The following MCF2L2 variants were observed in gnomAD, a reference collection of about 807,000 sequenced individuals.
The protein encoded by MCF2L2 is MCF.2 cell line derived transforming sequence-like 2, also known as probable guanine nucleotide exchange factor MCF2L2.
A neutral mutation model predicts 150.2 loss-of-function variants in MCF2L2; 102 were observed. That is an observed-to-expected ratio of 0.68 (90% CI 0.58 to 0.80). The LOEUF (loss-of-function observed/expected upper bound fraction) is 0.80, where lower values mean the gene tolerates loss of function less well. Among genes scored for constraint, MCF2L2 ranks in the 30% least tolerant of loss-of-function variants. The pLI is 0.00. For missense variants in MCF2L2, 1,256 were observed against 1,372.8 expected (o/e 0.91, Z 1.34); for synonymous variants, 465 against 491.3 (o/e 0.95, Z 0.71).
chr3:183,351,004 T>C (rs1401985663), intron 3 of MCF2L2, among the ~76,000 whole-genome samples: 2 of 151,574 alleles, frequency 1.3e-5, no homozygotes, highest in Admixed American at 6.6e-5. Context: ...TGTAACACTA[T>C]ACTCCTTCAT....
At chr3:183,339,373 T>C (rs919852525) in intron 4 of MCF2L2, among the ~76,000 whole-genome samples, 2 of 152,208 alleles carry the variant, frequency 1.3e-5, no homozygotes, top group Non-Finnish European at 2.9e-5. Context: ...CCATAGGCTT[T>C]TATTCCTGTT....
At chr3:183,331,165 A>G (rs1730258333) in intron 5 of MCF2L2, among the ~76,000 whole-genome samples, 1 of 152,156 alleles carries the variant, frequency 6.6e-6, no homozygotes, top group African/African-American at 2.4e-5. Flanking sequence ...TAACAAAGAG[A>G]CAATCCTTAT....
intron 9 of MCF2L2, 38 bp from the exon 10 acceptor site, chr3:183,309,873 C>CA: frequency 6.2e-7 from 1 of 1,610,012 alleles, no homozygotes; most frequent in South Asian, 1.1e-5. Context: ...AGTAAACCAA[C>CA]ACTCACTCAC....
At chr3:183,248,689 T>A (rs551074496) in intron 15 of MCF2L2, among the ~76,000 whole-genome samples, 3 of 151,864 alleles carry the variant, frequency 2.0e-5, no homozygotes, top group South Asian at 2.1e-4. Flanking sequence ...ATAAAAAAAA[T>A]TATTTGGGCG....
intron 25 of MCF2L2, among the ~76,000 whole-genome samples, chr3:183,204,966 GC>G (rs1480045302): frequency 2.0e-4 from 30 of 152,348 alleles, no homozygotes; most frequent in African/African-American, 6.3e-4. Context: ...ATTAGTGATT[GC>G]CAGGGGCTGG....
At chr3:183,218,156 C>A (rs751533693) in intron 21 of MCF2L2, among the ~76,000 whole-genome samples, 1 of 152,182 alleles carries the variant, frequency 6.6e-6, no homozygotes, top group Non-Finnish European at 1.5e-5. Context: ...TGCGGAAGCA[C>A]TGGGTATTTG....
intron 3 of MCF2L2, among the ~76,000 whole-genome samples, chr3:183,364,902 C>T (rs1438109844): frequency 1.3e-5 from 2 of 152,268 alleles, no homozygotes; most frequent in South Asian, 2.1e-4. Flanking sequence ...CAGATGGTTT[C>T]ACAGGCGAAT....
chr3:183,216,239 G>C (rs2108655955), intron 21 of MCF2L2, 145 bp from the exon 22 acceptor site: 3 of 879,252 alleles, frequency 3.4e-6, no homozygotes, highest in East Asian at 5.2e-5. Flanking sequence ...TGCTCCCAAA[G>C]CATGGTGGCT....
intron 14 of MCF2L2, among the ~76,000 whole-genome samples, chr3:183,281,004 G>A (rs2108466113): frequency 6.6e-6 from 1 of 152,120 alleles, no homozygotes; most frequent in Admixed American, 6.5e-5. Flanking sequence ...GATTTCAAGG[G>A]CCCGTGCCAC....
chr3:183,224,212 T>C (rs1368182225), intron 18 of MCF2L2, 22 bp from the exon 19 acceptor site: 4 of 1,506,532 alleles, frequency 2.7e-6, no homozygotes, highest in East Asian at 2.3e-5. Flanking sequence ...AAAATTAGAA[T>C]AAATTAATCA....
chr3:183,179,435 G>A lies in MCF2L2; in HGVS notation c.3290C>T (p.Thr1097Met). 1 of 1,579,468 alleles carries A rather than the reference G, an allele frequency of 6.3e-7. No individual in the cohort carries two copies. Among genetic ancestry groups the A allele is most frequent in the South Asian group, 1.1e-5 (1 of 87,846 alleles). ...CAGCGCCCTCGCCTGGAAACCAGCC[G>A]TCGCCCCCGCAGGAGCCAGCCGGCC... The part of the protein sequence containing the change: ...STGRLAPAGA[T>M]AGFQARALRP... The change falls in exon 30 of 30, where the codon ACG becomes ATG. Residue 1097 changes from threonine (T) to methionine (M), a missense_variant. Thr to Met is a moderately conservative substitution (Grantham distance 81, BLOSUM62 -1). Coordinates refer to ENST00000328913, the MANE Select transcript of MCF2L2 (RefSeq NM_015078.4). This position sits in a 1 kb window ranked among gnomAD's most constrained non-coding sequence, Gnocchi z 4.2.
In MCF2L2 at chr3:183,403,375, A is replaced by G. The variant is rs370221052; in HGVS notation, c.77-13596T>C. Among the ~76,000 whole-genome samples, 39 of 152,372 alleles carry G rather than the reference A, an allele frequency of 2.6e-4. No homozygotes were observed. The East Asian group carries it at 7.3e-3, about 29-fold the overall frequency. ...AAGTCAAAAATAATGACGACTTGTG[A>G]TAAGAGAGAGTGAGATTGTATTATC... On this transcript the variant is annotated intron_variant, in intron 1 of 29. Transcript: ENST00000328913.
At chr3:183,280,177 C>T (rs1277447217) in intron 14 of MCF2L2, among the ~76,000 whole-genome samples, 2 of 152,082 alleles carry the variant, frequency 1.3e-5, no homozygotes, top group Non-Finnish European at 2.9e-5. Context: ...TACCAACACG[C>T]AGGCTCTCCA....
intron 17 of MCF2L2, 150 bp from the exon 18 acceptor site, chr3:183,228,516 A>G (rs2272115): frequency 0.55 from 291,970 of 527,764 alleles, 84,570 homozygotes; most frequent in East Asian, 0.7. Context: ...ATTGATTCAG[A>G]AAAAAAAGCT....
At chr3:183,330,263 AG>A (rs748965679) in intron 5 of MCF2L2, among the ~76,000 whole-genome samples, 2,998 of 146,086 alleles carry the variant, frequency 0.021, 243 homozygotes, top group African/African-American at 0.074. Context: ...AAAAAAAAAA[AG>A]AAGAAGAAAA....
intron 1 of MCF2L2, among the ~76,000 whole-genome samples, chr3:183,418,296 G>A (rs1375703938): frequency 6.6e-6 from 1 of 152,024 alleles, no homozygotes; most frequent in Middle Eastern, 3.2e-3. Context: ...CTCCCAGGAG[G>A]TCCCTCCCTC....
intron 7 of MCF2L2, among the ~76,000 whole-genome samples, chr3:183,314,532 G>A (rs1057284127): frequency 2.6e-5 from 4 of 151,984 alleles, no homozygotes; most frequent in African/African-American, 9.7e-5. Flanking sequence ...TTGTTTGGGC[G>A]ACCAGACACA....
chr3:183,424,550 G>C (rs1253774819), intron 1 of MCF2L2, among the ~76,000 whole-genome samples: 21 of 152,168 alleles, frequency 1.4e-4, no homozygotes, highest in Admixed American at 1.3e-3. Flanking sequence ...TGGCTATCTA[G>C]GGTACATAAG....
In MCF2L2 at chr3:183,227,827, A is replaced by G. The variant is rs13094728; in HGVS notation, c.2115+470T>C. On this transcript the variant is annotated intron_variant, in intron 18 of 29. Transcript: ENST00000328913. The surrounding 1 kb of genome is among the most constrained non-coding windows in gnomAD (Gnocchi z 4.0). ...GGCAGATACAAGATATACTGTCTTGACAAATTGCAAGTGTACAGTACAGTA... is the reference window on the plus strand; with the variant it reads ...GGCAGATACAAGATATACTGTCTTGGCAAATTGCAAGTGTACAGTACAGTA... The G allele has an allele frequency of 0.81, 123,058 of 152,392 alleles. 54,035 individuals carry two copies. Among genetic ancestry groups the G allele is most frequent in the East Asian group, 1 (5,165 of 5,188 alleles). The allele number at this position is 152,392 out of a possible 1,614,324, so 9.4% of individuals were successfully genotyped here.
Sources: allele counts gnomAD v4.1 joint callset (sites outside exome capture counted in the v4.1 genomes callset), GRCh38; gene constraint gnomAD v4.1.1; non-coding constraint Gnocchi (gnomAD v3.1); transcripts MANE v1.5; gene names NCBI Gene and HGNC (gene_info 2026-07-23, HGNC 2026-07-21).